Variants in CELF2 observed in about 807,000 individuals in gnomAD.
CELF2 encodes CUGBP Elav-like family member 2, also known as CUG triplet repeat RNA-binding protein 2.
CELF2 carries 8 observed loss-of-function variants against 62.6 expected under a neutral mutation model. The observed-to-expected ratio is 0.13, with a 90% CI of 0.07 to 0.23. The LOEUF (loss-of-function observed/expected upper bound fraction) is 0.23, where lower values mean the gene tolerates loss of function less well. Among genes scored for constraint, CELF2 ranks in the 10% least tolerant of loss-of-function variants. CELF2 has a pLI of 1.00. For missense variants in CELF2, 333 were observed against 671.0 expected, an observed-to-expected ratio of 0.50 and a Z score of 5.56; for synonymous variants, 258 against 250.0, an observed-to-expected ratio of 1.03 and a Z score of -0.30.
chr10:10,528,159 T>TTGTG, the CELF2 span, among the ~76,000 whole-genome samples: 11 of 41,854 alleles, frequency 2.6e-4, no homozygotes, highest in South Asian at 5.0e-3. Context: ...GATTCCTGTT[T>TTGTG]TGTGTGTGTG....
intron 1 of CELF2, among the ~76,000 whole-genome samples, chr10:11,081,538 G>A (rs1411182519): frequency 1.3e-5 from 2 of 152,034 alleles, no homozygotes; most frequent in Non-Finnish European, 2.9e-5. Flanking sequence ...TTGCTGTTTT[G>A]GCACTGAGGG....
At chr10:10,976,272 G>C (rs201093) in intron 2 of CELF2, among the ~76,000 whole-genome samples, 17,199 of 152,168 alleles carry the variant, frequency 0.11, 3,284 homozygotes, top group African/African-American at 0.39. Flanking sequence ...TGCAGATCAG[G>C]AAACTTGGGC....
At chr10:10,759,259 ATTG>A in the CELF2 span, among the ~76,000 whole-genome samples, 1 of 140,510 alleles carries the variant, frequency 7.1e-6, no homozygotes, top group East Asian at 2.3e-4. Context: ...ATCTCTGAGT[ATTG>A]GCTGGATTCA....
chr10:10,750,085 C>A, the CELF2 span, among the ~76,000 whole-genome samples: 1 of 152,140 alleles, frequency 6.6e-6, no homozygotes, highest in African/African-American at 2.4e-5. Context: ...AGATTGAGAC[C>A]ATCCTGGCCA....
At chr10:11,281,001 T>TGTGTGTGTGC in intron 8 of CELF2, among the ~76,000 whole-genome samples, 1 of 151,146 alleles carries the variant, frequency 6.6e-6, no homozygotes, top group East Asian at 1.9e-4. Context: ...TGTGTGTGTG[T>TGTGTGTGTGC]GTGTGTGTGT....
the CELF2 span, among the ~76,000 whole-genome samples, chr10:10,752,596 A>T: frequency 1.4e-5 from 1 of 69,466 alleles, no homozygotes; most frequent in African/African-American, 6.0e-5. Flanking sequence ...AGGCTGAGGC[A>T]GGGGAATCGC....
chr10:10,718,523 C>T, the CELF2 span, among the ~76,000 whole-genome samples: 3 of 149,782 alleles, frequency 2.0e-5, no homozygotes, highest in Admixed American at 6.8e-5. Context: ...ACTTGGGAGG[C>T]GGAGACAGGA....
chr10:11,278,391 C>A (rs571407500), intron 8 of CELF2, among the ~76,000 whole-genome samples: 10 of 152,314 alleles, frequency 6.6e-5, no homozygotes, highest in African/African-American at 2.2e-4. Flanking sequence ...TATTTTCCCT[C>A]TTAAAACTTC....
chr10:10,946,223 A>C (rs1391210680), intron 2 of CELF2: 1 of 152,384 alleles, frequency 6.6e-6, no homozygotes, highest in African/African-American at 2.4e-5. Context: ...AGGCTGGGAG[A>C]GATTTATATG....
chr10:11,283,343 C>T (rs1382937200), intron 8 of CELF2, among the ~76,000 whole-genome samples: 2 of 152,230 alleles, frequency 1.3e-5, no homozygotes, highest in African/African-American at 4.8e-5. Flanking sequence ...TGATATCCAG[C>T]AATCTGCTCG....
At chr10:11,199,094 C>G (rs1294021313) in intron 2 of CELF2, among the ~76,000 whole-genome samples, 1 of 152,086 alleles carries the variant, frequency 6.6e-6, no homozygotes, top group Non-Finnish European at 1.5e-5. Flanking sequence ...GGATGGCATA[C>G]AATTGTATGA....
At chr10:10,820,673 T>C (rs1351323953) in intron 1 of CELF2, among the ~76,000 whole-genome samples, 1 of 151,976 alleles carries the variant, frequency 6.6e-6, no homozygotes, top group African/African-American at 2.4e-5. Flanking sequence ...GTTAGGGAAA[T>C]CAAGAAAGGA....
At chr10:10,823,491 T>C (rs896238109) in intron 1 of CELF2, among the ~76,000 whole-genome samples, 2 of 152,186 alleles carry the variant, frequency 1.3e-5, no homozygotes, top group Non-Finnish European at 2.9e-5. Flanking sequence ...ATACAATGCT[T>C]TCTAAACTGT....
intron 2 of CELF2, among the ~76,000 whole-genome samples, chr10:11,189,070 T>G (rs1380266727): frequency 6.6e-6 from 1 of 152,182 alleles, no homozygotes; most frequent in Non-Finnish European, 1.5e-5. Context: ...CTAGCATCTG[T>G]ATGATTATTT....
chr10:11,028,191 G>A (rs2059537974), intron 1 of CELF2, among the ~76,000 whole-genome samples: 1 of 152,128 alleles, frequency 6.6e-6, no homozygotes, highest in Admixed American at 6.5e-5. Flanking sequence ...TGAAGTTCAT[G>A]TTCCTTCTGT....
chr10:10,960,140 A>G (rs2049332537), intron 2 of CELF2: 1 of 152,250 alleles, frequency 6.6e-6, no homozygotes, highest in African/African-American at 2.4e-5. Context: ...GGGACACTGG[A>G]ACTCAACAGG....
intron 2 of CELF2, chr10:10,946,799 A>C (rs1029034336): frequency 2.0e-5 from 3 of 152,240 alleles, no homozygotes; most frequent in African/African-American, 7.2e-5. Flanking sequence ...AGTTCATACA[A>C]CTAGGACCTC....
At chr10:10,843,299 T>C (rs545196977) in intron 1 of CELF2, among the ~76,000 whole-genome samples, 2 of 152,190 alleles carry the variant, frequency 1.3e-5, no homozygotes, top group African/African-American at 4.8e-5. Flanking sequence ...TTTTCAATCA[T>C]TGGCTTCTCC....
At chr10:10,868,482 A>G (rs1192969664) in intron 1 of CELF2, among the ~76,000 whole-genome samples, 1 of 152,250 alleles carries the variant, frequency 6.6e-6, no homozygotes, top group Non-Finnish European at 1.5e-5. Context: ...GCAAGGTCTC[A>G]TGTCTGCTAT....
Sources: allele counts gnomAD v4.1 joint callset (sites outside exome capture counted in the v4.1 genomes callset), GRCh38; gene constraint gnomAD v4.1.1; transcripts MANE v1.5; gene names NCBI Gene and HGNC (gene_info 2026-07-23, HGNC 2026-07-21).